CRYL1: variants seen among roughly 807,000 people sequenced by gnomAD.
The protein encoded by CRYL1 is crystallin lambda 1.
In CRYL1, 29 loss-of-function variants were observed where a neutral mutation model predicts 36.6. The ratio of observed to expected loss-of-function variants is 0.79; its 90% CI spans 0.59 to 1.08. CRYL1 has a LOEUF of 1.08. CRYL1 is among the 50% of genes least tolerant of loss of function. The pLI is 0.00. For synonymous variants in CRYL1, 152 were observed against 151.5 expected (o/e 1.00, Z -0.02); for missense variants, 411 against 407.9 (o/e 1.01, Z -0.06).
intron 6 of CRYL1, among the ~76,000 whole-genome samples, chr13:20,407,969 G>C (rs922096983): frequency 1.3e-5 from 2 of 152,186 alleles, no homozygotes; most frequent in Non-Finnish European, 1.5e-5. Context: ...CCAGGCATCA[G>C]CTCCTTGGAG....
At chr13:20,446,355 A>G (rs902629138) in intron 3 of CRYL1, among the ~76,000 whole-genome samples, 1 of 152,130 alleles carries the variant, frequency 6.6e-6, no homozygotes, top group African/African-American at 2.4e-5. Flanking sequence ...CAGGTGATCC[A>G]CCTGCCTTGG....
intron 3 of CRYL1, among the ~76,000 whole-genome samples, chr13:20,444,697 T>C (rs1392273203): frequency 2.0e-5 from 3 of 152,358 alleles, no homozygotes; most frequent in African/African-American, 7.2e-5. Context: ...GTATTTCTCA[T>C]AAGGAACAAG....
At chr13:20,449,058 C>T (rs1409202585) in intron 3 of CRYL1, among the ~76,000 whole-genome samples, 1 of 152,160 alleles carries the variant, frequency 6.6e-6, no homozygotes, top group Non-Finnish European at 1.5e-5. Context: ...ATCCCAGCTA[C>T]TCAGGAGGCT....
intron 4 of CRYL1, among the ~76,000 whole-genome samples, chr13:20,437,912 C>T (rs1183554730): frequency 6.6e-6 from 1 of 152,172 alleles, no homozygotes; most frequent in Non-Finnish European, 1.5e-5. Flanking sequence ...ACAGCTTCCA[C>T]TGAAGCAATC....
intron 4 of CRYL1, among the ~76,000 whole-genome samples, chr13:20,434,663 T>C (rs560163152): frequency 6.7e-6 from 1 of 149,172 alleles, no homozygotes; most frequent in Admixed American, 6.7e-5. Flanking sequence ...CCGCTGTCTT[T>C]CCCTGCTGTG....
At chr13:20,421,657 G>A (rs1411260883) in intron 5 of CRYL1, among the ~76,000 whole-genome samples, 1 of 152,042 alleles carries the variant, frequency 6.6e-6, no homozygotes, top group Admixed American at 6.6e-5. Flanking sequence ...TCTACTTCTG[G>A]GGACCCTTAC....
chr13:20,409,037 A>T (rs1292062172), intron 6 of CRYL1, among the ~76,000 whole-genome samples: 1 of 152,180 alleles, frequency 6.6e-6, no homozygotes, highest in Non-Finnish European at 1.5e-5. Context: ...AGCCCGCATC[A>T]CCAAGTCAGT....
At chr13:20,467,729 T>C (rs112486344) in intron 3 of CRYL1, among the ~76,000 whole-genome samples, 5 of 152,198 alleles carry the variant, frequency 3.3e-5, no homozygotes, top group African/African-American at 1.2e-4. Context: ...GCTGAGCCAG[T>C]GGAATCGCTT....
intron 3 of CRYL1, among the ~76,000 whole-genome samples, chr13:20,465,946 G>GA (rs71198984): frequency 1.7e-3 from 234 of 134,170 alleles, no homozygotes; most frequent in Admixed American, 2.4e-3. Context: ...AGAGCTGGTT[G>GA]AAAAAAAAAA....
chr13:20,508,879 AAAAAAAAAACT>A (rs2033859341), intron 2 of CRYL1, among the ~76,000 whole-genome samples: 1 of 131,938 alleles, frequency 7.6e-6, no homozygotes, highest in African/African-American at 2.8e-5. Context: ...AAAAAAACAA[AAAAAAAAAACT>A]GACAACAACA....
chr13:20,415,443 C>T lies in CRYL1; in HGVS notation c.634-2056G>A, dbSNP rs2031637309. Reference sequence around the variant, plus strand: ...GGTCCGTGTGCTGGCTTGGACACCGCCCTGCGTCTGCAGAGAGCGCGGCGG... The same window carrying T: ...GGTCCGTGTGCTGGCTTGGACACCGTCCTGCGTCTGCAGAGAGCGCGGCGG... On this transcript the variant is annotated intron_variant, in intron 5 of 7. Transcript: ENST00000298248. This position sits in a 1 kb window ranked among gnomAD's most constrained non-coding sequence, Gnocchi z 4.1. 6.6e-6 allele frequency among the ~76,000 whole-genome samples: 1 copy of T among 152,172 alleles called. No homozygotes were observed.
At chr13:20,488,834 G>A (rs1472111351) in intron 3 of CRYL1, among the ~76,000 whole-genome samples, 1 of 152,224 alleles carries the variant, frequency 6.6e-6, no homozygotes, top group Non-Finnish European at 1.5e-5. Flanking sequence ...CACAGGGGCT[G>A]CTCCCAGCTC....
intron 5 of CRYL1, chr13:20,427,040 C>A: frequency 1.0e-6 from 1 of 985,520 alleles, no homozygotes. Context: ...CCAGGCACCT[C>A]CACATACCCT....
chr13:20,512,452 T>TC lies in CRYL1; in HGVS notation c.139dup (p.Glu47GlyfsTer68), dbSNP rs1388011448. 1 of 1,613,346 alleles carries TC rather than the reference T, an allele frequency of 6.2e-7. No individual in the cohort carries two copies. On this transcript the variant is annotated frameshift_variant, in exon 2 of 8. Coordinates refer to ENST00000298248, the MANE Select transcript of CRYL1 (RefSeq NM_015974.3). LOFTEE classifies it high-confidence loss of function. ...GCGCCGGCTGGCCCACCTGATGTTT[T>TC]CCAGGGCGTTCCTTATCTGCTGTTG...
At chr13:20,492,010 A>C (rs1021588090) in intron 2 of CRYL1, among the ~76,000 whole-genome samples, 2 of 152,154 alleles carry the variant, frequency 1.3e-5, no homozygotes, top group Non-Finnish European at 2.9e-5. Flanking sequence ...ATGGAGGGAA[A>C]TATAACAAAA....
intron 4 of CRYL1, among the ~76,000 whole-genome samples, chr13:20,437,168 AAG>A (rs35923379): frequency 1.3e-5 from 2 of 151,346 alleles, no homozygotes; most frequent in Admixed American, 1.3e-4. Context: ...AGAATAAAAA[AAG>A]AGAGAGAGAG....
intron 3 of CRYL1, among the ~76,000 whole-genome samples, chr13:20,461,090 G>T (rs1180209440): frequency 6.6e-6 from 1 of 152,156 alleles, no homozygotes; most frequent in Non-Finnish European, 1.5e-5. Context: ...TGCTACTGAG[G>T]TTTATCATCT....
At position 20,459,779 on chromosome 13, in the gene CRYL1, C is replaced by T. The variant is rs546339452; in HGVS notation, c.277-20025G>A. 1.8e-4 allele frequency among the ~76,000 whole-genome samples: 28 copies of T among 152,184 alleles called. No individual in the cohort carries two copies. In the South Asian group the frequency reaches 5.6e-3, roughly 30 times the overall value. ...CCGGGTGACAAAACTATCTGTACACCAAACCCCCATGACATGCAATTTACT... is the reference window on the plus strand; with the variant it reads ...CCGGGTGACAAAACTATCTGTACACTAAACCCCCATGACATGCAATTTACT... On this transcript the variant is annotated intron_variant, in intron 3 of 7. Coordinates refer to ENST00000298248, the MANE Select transcript of CRYL1 (RefSeq NM_015974.3).
intron 2 of CRYL1, among the ~76,000 whole-genome samples, chr13:20,499,785 A>G (rs534320492): frequency 2.4e-4 from 37 of 152,332 alleles, no homozygotes; most frequent in African/African-American, 7.7e-4. Flanking sequence ...ATATGTCTTA[A>G]TATGTTGTCA....
Sources: allele counts gnomAD v4.1 joint callset (sites outside exome capture counted in the v4.1 genomes callset), GRCh38; gene constraint gnomAD v4.1.1; non-coding constraint Gnocchi (gnomAD v3.1); transcripts MANE v1.5; gene names NCBI Gene and HGNC (gene_info 2026-07-23, HGNC 2026-07-21).